CYP11A1: variants seen among roughly 807,000 people sequenced by gnomAD.
CYP11A1 encodes the protein cytochrome P450 family 11 subfamily A member 1.
Under a neutral mutation model 51.9 loss-of-function variants are expected in CYP11A1, and 25 were observed. That is an observed-to-expected ratio of 0.48 (90% CI 0.35 to 0.67). The LOEUF is 0.67. CYP11A1 is among the 30% of genes least tolerant of loss of function. The pLI, the probability that CYP11A1 is intolerant of heterozygous loss-of-function variation, is 0.00. For missense variants in CYP11A1, 578 were observed against 680.9 expected (o/e 0.85, Z 1.68); for synonymous variants, 245 against 262.1 (o/e 0.93, Z 0.63).
At chr15:74,366,933 C>T (rs60226645) in intron 1 of CYP11A1, 8,630 of 241,976 alleles carry the variant, frequency 0.036, 290 homozygotes, top group East Asian at 0.12. Flanking sequence ...CCAGGATGGT[C>T]TCGAACTCTT....
At chr15:74,341,947 C>T (rs923138373) in intron 5 of CYP11A1, among the ~76,000 whole-genome samples, 1 of 152,188 alleles carries the variant, frequency 6.6e-6, no homozygotes, top group Admixed American at 6.5e-5. Context: ...AACACCTTGA[C>T]CTTGAACTTC....
At position 74,343,917 on chromosome 15, in the gene CYP11A1, A is replaced by G; in HGVS notation, c.701T>C (p.Ile234Thr). The change falls in exon 4 of 9, where the codon ATT (isoleucine) becomes ACT (threonine). Residue 234 changes from isoleucine (I) to threonine (T), a missense_variant. Physicochemically the swap from Ile to Thr is moderately conservative, Grantham distance 89. Coordinates refer to ENST00000268053, the MANE Select transcript of CYP11A1 (RefSeq NM_000781.3). The part of the protein sequence containing the change: ...EVVNPEAQRF[I>T]DAIYQMFHTS... ...GTGGAACATCTGGTAGATGGCATCA[A>G]TGAATCGCTGGGCCTCGGGGTTCAC... 6.2e-7 allele frequency: 1 copy of G among 1,614,168 alleles called. No individual in the cohort carries two copies. The highest frequency in any genetic ancestry group is 8.5e-7 in the Non-Finnish European group (1 of 1,180,038).
At chr15:74,364,709 A>G (rs2060723930) in intron 1 of CYP11A1, 1 of 152,290 alleles carries the variant, frequency 6.6e-6, no homozygotes, top group African/African-American at 2.4e-5. Flanking sequence ...TAATAAAATA[A>G]GGAGTTGCTA....
In CYP11A1 at chr15:74,337,766, G is replaced by A; in HGVS notation, c.*206C>T. On this transcript the variant is annotated 3_prime_UTR_variant, in exon 9 of 9. Coordinates refer to ENST00000268053, the MANE Select transcript of CYP11A1 (RefSeq NM_000781.3). Reference sequence around the variant, plus strand: ...CTGATGGAACGCAAGACACCACATGGTTCAGCTGTTTATTGTCTCCATGGG... The same window carrying A: ...CTGATGGAACGCAAGACACCACATGATTCAGCTGTTTATTGTCTCCATGGG... 3.1e-6 allele frequency: 2 copies of A among 655,292 alleles called. No individual in the cohort carries two copies. The highest frequency in any genetic ancestry group is 5.5e-6 in the Non-Finnish European group (2 of 365,332). The allele number at this position is 655,292 out of a possible 1,614,324, so 40.6% of individuals were successfully genotyped here. A position where few individuals can be genotyped will look rare whatever the true frequency, so the allele number is the denominator to read the frequency against.
Position 74,337,820 on chromosome 15 carries a change from C to CTG in CYP11A1, c.*150_*151dup, listed in dbSNP as rs2060585699. 3.1e-6 allele frequency: 3 copies of CTG among 953,682 alleles called. No homozygotes were observed. The South Asian group carries it at 4.2e-5, about 13-fold the overall frequency. The allele number at this position is 953,682 out of a possible 1,614,324, so 59.1% of individuals were successfully genotyped here. On this transcript the variant is annotated 3_prime_UTR_variant, in exon 9 of 9. Coordinates refer to ENST00000268053, the MANE Select transcript of CYP11A1 (RefSeq NM_000781.3). ...GGTGAAGAGGAGTGGCCCAGCTGAG[C>CTG]TGAGGAAGGTGACCACTGAGAACCC... is the stretch of plus-strand genomic sequence containing the variant.
At chr15:74,342,885 GAAC>G in intron 5 of CYP11A1, 89 bp downstream of exon 5, 1 of 1,369,870 alleles carries the variant, frequency 7.3e-7, no homozygotes, top group South Asian at 1.2e-5. Flanking sequence ...GGAACGCCTT[GAAC>G]AACAGGGTTT....
At chr15:74,349,469 A>C (rs144925763) in intron 1 of CYP11A1, among the ~76,000 whole-genome samples, 58 of 152,294 alleles carry the variant, frequency 3.8e-4, no homozygotes, top group African/African-American at 1.4e-3. Context: ...GATGAGTTTC[A>C]GGCCTTCACT....
intron 1 of CYP11A1, chr15:74,367,025 G>A: frequency 2.1e-6 from 1 of 466,956 alleles, no homozygotes; most frequent in Admixed American, 3.4e-5. Context: ...CAGACCTGGG[G>A]TTTGGACCCA....
At chr15:74,338,409 C>CA in intron 8 of CYP11A1, 162 bp downstream of exon 8, 1 of 794,202 alleles carries the variant, frequency 1.3e-6, no homozygotes, top group Non-Finnish European at 2.1e-6. Context: ...AAAGAGGGGG[C>CA]AGCAGAGAAC....
chr15:74,348,021 T>C lies in CYP11A1; in HGVS notation c.304A>G (p.Ile102Val). The change falls in exon 2 of 9, where the codon ATC (isoleucine) becomes GTC (valine). Residue 102 changes from isoleucine (I) to valine (V), a missense_variant. Coordinates refer to ENST00000268053, the MANE Select transcript of CYP11A1 (RefSeq NM_000781.3). ...AGAAGGGCCACATCTTCAGGGTCGA[T>C]GACATAAACCGACTCCACGTTGCCG... ...KLGNVESVYV[I>V]DPEDVALLFK... 1 of 1,614,122 alleles carries C rather than the reference T, an allele frequency of 6.2e-7. No homozygotes were observed. Among genetic ancestry groups the C allele is most frequent in the Non-Finnish European group, 8.5e-7 (1 of 1,180,008 alleles).
At chr15:74,338,846 C>G (rs2060592225) in intron 7 of CYP11A1, 78 bp from the exon 8 acceptor site, 1 of 1,324,278 alleles carries the variant, frequency 7.6e-7, no homozygotes, top group Non-Finnish European at 1.1e-6. Flanking sequence ...TCCCTAGTCC[C>G]CTGCCCTCTC....
chr15:74,366,904 C>G (rs972603441), intron 1 of CYP11A1: 2 of 193,066 alleles, frequency 1.0e-5, no homozygotes, highest in South Asian at 1.8e-4. Context: ...TTAGTAGAGA[C>G]GGGGTTTCAT....
intron 1 of CYP11A1, among the ~76,000 whole-genome samples, chr15:74,361,005 G>T (rs1005647831): frequency 3.3e-5 from 5 of 152,168 alleles, no homozygotes; most frequent in Non-Finnish European, 7.4e-5. Flanking sequence ...GGGTTTTTTT[G>T]TGTGTGTGGA....
At chr15:74,357,872 A>C (rs1475882109) in intron 1 of CYP11A1, among the ~76,000 whole-genome samples, 1 of 152,222 alleles carries the variant, frequency 6.6e-6, no homozygotes, top group Non-Finnish European at 1.5e-5. Flanking sequence ...CATAACTTCC[A>C]AAATCTATTT....
intron 1 of CYP11A1, chr15:74,365,683 T>C (rs1045881220): frequency 2.0e-6 from 2 of 985,482 alleles, no homozygotes; most frequent in Non-Finnish European, 1.2e-6. Context: ...GATCAGAAGT[T>C]GGACAGGAGA....
chr15:74,342,085 C>G (rs2060609526), intron 5 of CYP11A1, among the ~76,000 whole-genome samples: 1 of 152,166 alleles, frequency 6.6e-6, no homozygotes, highest in African/African-American at 2.4e-5. Flanking sequence ...CATTTGAGGT[C>G]TACTGTATTC....
rs773652136 is a variant in CYP11A1, at chr15:74,338,644, C to T, written c.1361G>A (p.Gly454Asp). The stretch of plus-strand genomic sequence containing the variant: ...ACACTGCCGCACACCCCAGCCAAAG[C>T]CCAAGTTCCGGAAGTAGGTGATGTT... ...DKNITYFRNLGFGWGVRQCLG... is the reference protein window; with the variant it reads ...DKNITYFRNLDFGWGVRQCLG... Residue 454 changes from glycine to aspartate, a missense_variant, in exon 8 of 9, where the codon GGC becomes GAC. Gly to Asp is a moderately conservative substitution (Grantham distance 94). Transcript: ENST00000268053. The T allele has an allele frequency of 6.2e-7, 1 of 1,614,206 alleles. No homozygotes were observed. The highest frequency in any genetic ancestry group is 1.1e-5 in the South Asian group (1 of 91,088).
At chr15:74,365,546 G>A (rs944449645) in intron 1 of CYP11A1, 13 of 436,204 alleles carry the variant, frequency 3.0e-5, no homozygotes, top group Admixed American at 1.9e-4. Context: ...ATTTAGTAGG[G>A]CTTGTTCTCT....
At chr15:74,343,673 G>T (rs766748410) in intron 4 of CYP11A1, 116 bp downstream of exon 4, 7 of 943,008 alleles carry the variant, frequency 7.4e-6, no homozygotes, top group South Asian at 1.3e-5. Flanking sequence ...ACGCCTGCCC[G>T]CCACAGTGTG....
Sources: allele counts gnomAD v4.1 joint callset (sites outside exome capture counted in the v4.1 genomes callset), GRCh38; gene constraint gnomAD v4.1.1; transcripts MANE v1.5; gene names NCBI Gene and HGNC (gene_info 2026-07-23, HGNC 2026-07-21).